Variants in CTNNA3 observed in about 807,000 individuals in gnomAD.
The protein encoded by CTNNA3 is catenin alpha-3.
Under a neutral mutation model 95.7 loss-of-function variants are expected in CTNNA3, and 76 were observed. That is an observed-to-expected ratio of 0.79 (90% CI 0.66 to 0.96). The LOEUF is 0.96. Among genes scored for constraint, CTNNA3 ranks in the 40% least tolerant of loss-of-function variants. The pLI is 0.00. For missense variants in CTNNA3, 1,191 were observed against 1,089.8 expected (o/e 1.09, Z -1.31); for synonymous variants, 431 against 374.4 (o/e 1.15, Z -1.74).
At chr10:66,364,862 G>A (rs1268289432) in intron 12 of CTNNA3, among the ~76,000 whole-genome samples, 1 of 152,104 alleles carries the variant, frequency 6.6e-6, no homozygotes, top group Non-Finnish European at 1.5e-5. Context: ...AATGGTTACA[G>A]TCCTCTATGT....
intron 3 of CTNNA3, among the ~76,000 whole-genome samples, chr10:67,579,916 G>A (rs1296022986): frequency 6.6e-6 from 1 of 152,140 alleles, no homozygotes; most frequent in Non-Finnish European, 1.5e-5. Flanking sequence ...ATTTTTTCTT[G>A]TAAATTTGTT....
chr10:67,028,409 C>A (rs1182457453), intron 7 of CTNNA3, among the ~76,000 whole-genome samples: 3 of 151,610 alleles, frequency 2.0e-5, no homozygotes, highest in Non-Finnish European at 4.4e-5. Flanking sequence ...TAACATTTCT[C>A]AACCAAAAAA....
chr10:67,058,614 T>C (rs151079554), intron 7 of CTNNA3, among the ~76,000 whole-genome samples: 15 of 152,282 alleles, frequency 9.9e-5, no homozygotes, highest in African/African-American at 3.4e-4. Flanking sequence ...GCCCCTTTTT[T>C]TTCTGTGCGC....
chr10:67,044,858 T>C (rs1854629267), intron 7 of CTNNA3, among the ~76,000 whole-genome samples: 1 of 152,220 alleles, frequency 6.6e-6, no homozygotes, highest in Non-Finnish European at 1.5e-5. Flanking sequence ...TGCCACTTTC[T>C]AGCTTTATGA....
chr10:67,335,039 CAT>C (rs1231227068), intron 5 of CTNNA3, among the ~76,000 whole-genome samples: 2 of 152,028 alleles, frequency 1.3e-5, no homozygotes. Flanking sequence ...CACACACACA[CAT>C]ATACACACAC....
chr10:66,258,888 A>G (rs550318320), intron 13 of CTNNA3, among the ~76,000 whole-genome samples: 1 of 152,184 alleles, frequency 6.6e-6, no homozygotes, highest in Non-Finnish European at 1.5e-5. Context: ...TCTTTTCTGT[A>G]CAGGAATGCG....
At chr10:66,106,725 TA>T (rs1272723726) in intron 13 of CTNNA3, among the ~76,000 whole-genome samples, 2 of 152,188 alleles carry the variant, frequency 1.3e-5, no homozygotes. Context: ...TACACCTTTA[TA>T]TTTTTATTAA....
At chr10:66,359,826 T>TA (rs1459679559) in intron 12 of CTNNA3, among the ~76,000 whole-genome samples, 2 of 94,656 alleles carry the variant, frequency 2.1e-5, no homozygotes, top group Non-Finnish European at 4.3e-5. Context: ...CCAATCATCT[T>TA]ACTATTTTTT....
intron 7 of CTNNA3, among the ~76,000 whole-genome samples, chr10:67,067,506 G>T (rs568633952): frequency 6.6e-6 from 1 of 152,276 alleles, no homozygotes; most frequent in Non-Finnish European, 1.5e-5. Flanking sequence ...GCAGGTTTCA[G>T]ATCAGAAATA....
At chr10:66,963,532 G>C (rs1849236659) in intron 7 of CTNNA3, among the ~76,000 whole-genome samples, 1 of 152,140 alleles carries the variant, frequency 6.6e-6, no homozygotes, top group African/African-American at 2.4e-5. Flanking sequence ...TATAAGAACA[G>C]GATTGGAAAG....
intron 8 of CTNNA3, among the ~76,000 whole-genome samples, chr10:66,769,814 A>G (rs942516694): frequency 1.1e-4 from 16 of 152,144 alleles, no homozygotes; most frequent in Non-Finnish European, 2.9e-5. Context: ...TCAAGCTCTC[A>G]TTGCCTACAG....
At chr10:66,451,837 T>C (rs1277284995) in intron 11 of CTNNA3, among the ~76,000 whole-genome samples, 1 of 152,206 alleles carries the variant, frequency 6.6e-6, no homozygotes, top group Non-Finnish European at 1.5e-5. Flanking sequence ...TGCTAACTCC[T>C]ACTTCCTAAG....
intron 10 of CTNNA3, among the ~76,000 whole-genome samples, chr10:66,612,859 C>A (rs781625500): frequency 6.6e-6 from 1 of 152,046 alleles, no homozygotes; most frequent in Non-Finnish European, 1.5e-5. Context: ...TTTCTGTGGG[C>A]TCTCCCTGTG....
At chr10:67,002,750 AG>A (rs1851758583) in intron 7 of CTNNA3, among the ~76,000 whole-genome samples, 1 of 152,050 alleles carries the variant, frequency 6.6e-6, no homozygotes, top group Non-Finnish European at 1.5e-5. Flanking sequence ...TTAATTCCAG[AG>A]TCACTGGCCA....
intron 1 of CTNNA3, among the ~76,000 whole-genome samples, chr10:67,753,498 C>A (rs536861643): frequency 1.3e-5 from 2 of 152,198 alleles, no homozygotes; most frequent in East Asian, 3.9e-4. Flanking sequence ...TTCTGCACAG[C>A]AAAAGAAACT....
intron 11 of CTNNA3, among the ~76,000 whole-genome samples, chr10:66,415,241 C>A (rs1331263641): frequency 6.6e-6 from 1 of 152,088 alleles, no homozygotes; most frequent in Non-Finnish European, 1.5e-5. Context: ...AGCATACAGT[C>A]CAGGGGCCAG....
At chr10:67,165,381 G>A (rs1861722828) in intron 7 of CTNNA3, among the ~76,000 whole-genome samples, 1 of 152,094 alleles carries the variant, frequency 6.6e-6, no homozygotes, top group African/African-American at 2.4e-5. Context: ...GGTAGGGAGG[G>A]GCAGGTGTGA....
At chr10:67,070,485 G>A (rs1010846478) in intron 7 of CTNNA3, among the ~76,000 whole-genome samples, 13 of 151,826 alleles carry the variant, frequency 8.6e-5, no homozygotes, top group African/African-American at 3.1e-4. Context: ...GCAGTGTCTC[G>A]TGCCTGTAAT....
intron 3 of CTNNA3, among the ~76,000 whole-genome samples, chr10:67,555,163 A>G: frequency 6.6e-6 from 1 of 152,138 alleles, no homozygotes; most frequent in East Asian, 1.9e-4. Flanking sequence ...GTAGTCTTGT[A>G]GTTCAGTTTG....
Sources: gnomAD v4.1 joint callset for allele counts (sites outside exome capture counted in the v4.1 genomes callset) on GRCh38, gnomAD v4.1.1 for gene constraint, MANE v1.5 for transcripts, NCBI Gene and HGNC (gene_info 2026-07-23, HGNC 2026-07-21) for gene names.